Variants in RPA3 observed in about 807,000 individuals in gnomAD.
RPA3 encodes replication protein A3, also known as replication protein A 14 kDa subunit.
In RPA3, 24 loss-of-function variants were observed where a neutral mutation model predicts 13.7. The ratio of observed to expected loss-of-function variants is 1.75; its 90% CI spans 1.27 to 2.46. RPA3 has a LOEUF of 2.46. Among genes scored for constraint, RPA3 ranks in the 30% most tolerant of loss-of-function variants. The probability of loss-of-function intolerance (pLI) is 0.00; values close to 1 mark genes in which losing one functional copy is unlikely to be tolerated. For synonymous variants in RPA3, 59 were observed against 51.2 expected (o/e 1.15, Z -0.65); for missense variants, 183 against 151.0 (o/e 1.21, Z -1.11).
intron 2 of RPA3, among the ~76,000 whole-genome samples, chr7:7,701,109 G>A (rs772759750): frequency 1.3e-5 from 2 of 152,142 alleles, no homozygotes; most frequent in Admixed American, 1.3e-4. Context: ...TCGCCATTTG[G>A]TTAATATTCC....
At chr7:7,696,830 C>T (rs923152486) in intron 2 of RPA3, among the ~76,000 whole-genome samples, 1 of 151,662 alleles carries the variant, frequency 6.6e-6, no homozygotes, top group Non-Finnish European at 1.5e-5. Context: ...CTCTCTTTTT[C>T]TTTCTTCTTC....
At chr7:7,683,647 G>C (rs1779966572) in intron 4 of RPA3, among the ~76,000 whole-genome samples, 2 of 151,172 alleles carry the variant, frequency 1.3e-5, no homozygotes, top group Non-Finnish European at 2.9e-5. Flanking sequence ...TTTAGACGGA[G>C]TTTTTGCTCT....
intron 2 of RPA3, among the ~76,000 whole-genome samples, chr7:7,699,849 T>C (rs984797954): frequency 6.6e-6 from 1 of 152,224 alleles, no homozygotes; most frequent in Non-Finnish European, 1.5e-5. Context: ...AACTCTAAAC[T>C]GAGCTCTGGG....
chr7:7,701,973 T>G, intron 2 of RPA3, among the ~76,000 whole-genome samples: 1 of 152,256 alleles, frequency 6.6e-6, no homozygotes, highest in Non-Finnish European at 1.5e-5. Flanking sequence ...TTAACGAATT[T>G]TCCAAATAAG....
chr7:7,642,022 C>A (rs1784985208), intron 4 of RPA3, among the ~76,000 whole-genome samples: 2 of 152,152 alleles, frequency 1.3e-5, no homozygotes, highest in Non-Finnish European at 2.9e-5. Flanking sequence ...TGTATTGGTG[C>A]AAGTCAGTAA....
At chr7:7,665,155 A>G (rs925492039) in intron 4 of RPA3, among the ~76,000 whole-genome samples, 2 of 152,216 alleles carry the variant, frequency 1.3e-5, no homozygotes, top group African/African-American at 4.8e-5. Context: ...GAGATAATCA[A>G]ATTGAGAAAA....
At chr7:7,662,763 A>G (rs1483180463) in intron 4 of RPA3, among the ~76,000 whole-genome samples, 1 of 152,196 alleles carries the variant, frequency 6.6e-6, no homozygotes, top group African/African-American at 2.4e-5. Context: ...CTATTCGGCC[A>G]TCTTGCCAGC....
intron 4 of RPA3, among the ~76,000 whole-genome samples, chr7:7,654,167 T>G (rs1219508796): frequency 6.6e-6 from 1 of 152,206 alleles, no homozygotes; most frequent in Non-Finnish European, 1.5e-5. Flanking sequence ...CACAGATCCT[T>G]AAATCCATCA....
chr7:7,655,685 G>C (rs1232641742), intron 4 of RPA3, among the ~76,000 whole-genome samples: 1 of 152,202 alleles, frequency 6.6e-6, no homozygotes, highest in Non-Finnish European at 1.5e-5. Context: ...CTATATATGT[G>C]TATGATGTGA....
chr7:7,658,234 T>A (rs1785390608), intron 4 of RPA3, among the ~76,000 whole-genome samples: 1 of 152,238 alleles, frequency 6.6e-6, no homozygotes, highest in South Asian at 2.1e-4. Context: ...GTTTTCTAAA[T>A]ATACAATCAT....
chr7:7,655,679 A>G (rs909551067), intron 4 of RPA3, among the ~76,000 whole-genome samples: 2 of 152,244 alleles, frequency 1.3e-5, no homozygotes, highest in Non-Finnish European at 2.9e-5. Flanking sequence ...TGGATGCTAT[A>G]TATGTGTATG....
intron 4 of RPA3, among the ~76,000 whole-genome samples, chr7:7,657,352 G>A (rs534596794): frequency 1.0e-3 from 154 of 152,042 alleles, no homozygotes; most frequent in Non-Finnish European, 1.8e-3. Flanking sequence ...TTTTGTTGCC[G>A]TTGCTTTTGG....
chr7:7,659,653 C>T (rs531458203), intron 4 of RPA3, among the ~76,000 whole-genome samples: 2 of 152,338 alleles, frequency 1.3e-5, no homozygotes, highest in African/African-American at 2.4e-5. Flanking sequence ...CATTTGATTG[C>T]ACTGTGGTCT....
chr7:7,672,572 T>G (rs1779633554), intron 4 of RPA3, among the ~76,000 whole-genome samples: 1 of 152,288 alleles, frequency 6.6e-6, no homozygotes, highest in African/African-American at 2.4e-5. Context: ...AATTAAATCA[T>G]GGGAGCCATT....
At chr7:7,666,296 T>G (rs553905019) in intron 4 of RPA3, among the ~76,000 whole-genome samples, 1 of 152,098 alleles carries the variant, frequency 6.6e-6, no homozygotes, top group African/African-American at 2.4e-5. Context: ...CTCGACATCC[T>G]GGTCTCAAGC....
chr7:7,657,324 C>A (rs1583700599), intron 4 of RPA3, among the ~76,000 whole-genome samples: 1 of 152,136 alleles, frequency 6.6e-6, no homozygotes, highest in Non-Finnish European at 1.5e-5. Context: ...TAATTAGATC[C>A]CATTTGTCAA....
intron 4 of RPA3, among the ~76,000 whole-genome samples, chr7:7,648,392 C>T (rs10230651): frequency 0.32 from 48,824 of 151,984 alleles, 9,217 homozygotes; most frequent in African/African-American, 0.52. Flanking sequence ...TTTTTGTATT[C>T]TTATGTTCCA....
chr7:7,717,045 T>G (rs1167282404), intron 1 of RPA3, among the ~76,000 whole-genome samples: 1 of 150,616 alleles, frequency 6.6e-6, no homozygotes, highest in Non-Finnish European at 1.5e-5. Context: ...TTCCTTTTTC[T>G]TTCTTTCTTT....
At chr7:7,662,054 G>A (rs1785487628) in intron 4 of RPA3, among the ~76,000 whole-genome samples, 1 of 152,206 alleles carries the variant, frequency 6.6e-6, no homozygotes, top group Admixed American at 6.5e-5. Context: ...CGGCTTTGCT[G>A]AGCTGTGGAG....
Sources: allele counts gnomAD v4.1 joint callset (sites outside exome capture counted in the v4.1 genomes callset), GRCh38; gene constraint gnomAD v4.1.1; transcripts MANE v1.5; gene names NCBI Gene and HGNC (gene_info 2026-07-23, HGNC 2026-07-21).